Variants in PUDP observed in about 807,000 individuals in gnomAD.
PUDP encodes pseudouridine 5'-phosphatase.
In PUDP, 8 loss-of-function variants were observed where a neutral mutation model predicts 9.4. The observed-to-expected ratio is 0.85, with a 90% confidence interval of 0.50 to 1.53. The LOEUF (loss-of-function observed/expected upper bound fraction) is 1.53, where lower values mean the gene tolerates loss of function less well. Among genes scored for constraint, PUDP ranks in the 40% most tolerant of loss-of-function variants. PUDP has a pLI of 0.00. For synonymous variants in PUDP, 99 were observed against 80.7 expected (o/e 1.23, Z -1.22); for missense variants, 188 against 189.7 (o/e 0.99, Z 0.05).
chrX:6,887,883 C>A (rs747122179), intron 3 of PUDP, among the ~76,000 whole-genome samples: 1 of 111,089 alleles, frequency 9.0e-6, no homozygotes, highest in Admixed American at 9.6e-5. Flanking sequence ...TTTTGGGAAA[C>A]AGACCCTGGA....
intron 1 of PUDP, among the ~76,000 whole-genome samples, chrX:6,981,993 A>G (rs1458316242): frequency 9.4e-6 from 1 of 106,543 alleles, no homozygotes; most frequent in East Asian, 3.0e-4. Flanking sequence ...ACACACACAC[A>G]CACCCCCAAG....
chrX:6,728,209 C>A (rs148918593), intron 3 of PUDP, among the ~76,000 whole-genome samples: 3,216 of 110,796 alleles, frequency 0.029, 37 homozygotes, highest in South Asian at 0.055. Context: ...ACAAGAACAA[C>A]ATGGAGGAAA....
chrX:7,014,680 T>G (rs760353022), intron 1 of PUDP, among the ~76,000 whole-genome samples: 28 of 111,817 alleles, frequency 2.5e-4, no homozygotes, highest in African/African-American at 9.1e-4. Flanking sequence ...CAAAGATGAG[T>G]AAGACATTAT....
chrX:6,752,712 G>C (rs1011400449), intron 3 of PUDP, among the ~76,000 whole-genome samples: 3 of 110,927 alleles, frequency 2.7e-5, no homozygotes, highest in African/African-American at 6.5e-5. Flanking sequence ...ATGTTTCCTA[G>C]ATTCTGCCTG....
chrX:6,857,229 C>T (rs1449773367), intron 3 of PUDP, among the ~76,000 whole-genome samples: 1 of 112,838 alleles, frequency 8.9e-6, no homozygotes, highest in African/African-American at 3.2e-5. Context: ...TAAAAGTGTT[C>T]TCCCAAAGGA....
intron 3 of PUDP, among the ~76,000 whole-genome samples, chrX:7,071,775 C>A (rs1602748841): frequency 1.6e-5 from 1 of 61,395 alleles, no homozygotes; most frequent in East Asian, 5.5e-4. Flanking sequence ...AATGTACTCT[C>A]TATTTTTTTT....
chrX:6,867,025 C>T (rs1318484400), intron 3 of PUDP, among the ~76,000 whole-genome samples: 2 of 110,994 alleles, frequency 1.8e-5, no homozygotes, highest in Admixed American at 1.9e-4. Flanking sequence ...CAGAGGAAGG[C>T]TCCATACTCA....
At chrX:7,038,591 A>G (rs1225915623) in intron 1 of PUDP, among the ~76,000 whole-genome samples, 1 of 111,973 alleles carries the variant, frequency 8.9e-6, no homozygotes, top group African/African-American at 3.2e-5. Context: ...TTTAAAAAGA[A>G]CAGGGATTCT....
At position 7,050,067 on chromosome X, in the gene PUDP, T is replaced by C; in HGVS notation, c.*229A>G. 1 of 367,474 alleles carries C rather than the reference T, an allele frequency of 2.7e-6. No homozygotes were observed. 30.3% of individuals were successfully genotyped at this position (367,474 alleles called of 1,213,427 possible). A position where few individuals can be genotyped will look rare whatever the true frequency, so the allele number is the denominator to read the frequency against. Reference sequence around the variant, plus strand: ...GAGATGGTAATTCAAGTTTCATCTTTGTTCTGGGCTTCGTTTCTGTCTCTA... The same window carrying C: ...GAGATGGTAATTCAAGTTTCATCTTCGTTCTGGGCTTCGTTTCTGTCTCTA... On this transcript the variant is annotated 3_prime_UTR_variant, in exon 4 of 4. Transcript: ENST00000381077.
At chrX:6,951,434 A>G (rs1199761641) in intron 3 of PUDP, among the ~76,000 whole-genome samples, 1 of 111,597 alleles carries the variant, frequency 9.0e-6, no homozygotes, top group Non-Finnish European at 1.9e-5. Flanking sequence ...TAGGGATCCT[A>G]TGGCTCTAGT....
intron 3 of PUDP, among the ~76,000 whole-genome samples, chrX:6,759,900 G>GCAGTGTGCAA (rs1555909219): frequency 9.2e-6 from 1 of 109,163 alleles, no homozygotes; most frequent in African/African-American, 3.3e-5. Context: ...GTGCTCGCTA[G>GCAGTGTGCAA]CAGTCTGCAT....
At chrX:6,839,592 T>C (rs780286038) in intron 3 of PUDP, among the ~76,000 whole-genome samples, 23 of 111,883 alleles carry the variant, frequency 2.1e-4, no homozygotes, top group Non-Finnish European at 4.1e-4. Context: ...TAAAATTATT[T>C]ACCATTCAAA....
chrX:7,112,247 T>C (rs1932071910), intron 1 of PUDP, among the ~76,000 whole-genome samples: 1 of 112,044 alleles, frequency 8.9e-6, no homozygotes, highest in African/African-American at 3.2e-5. Context: ...CACTTCCCTA[T>C]AGAAATACTA....
chrX:6,787,708 A>G (rs1377760525), intron 3 of PUDP, among the ~76,000 whole-genome samples: 2 of 112,205 alleles, frequency 1.8e-5, no homozygotes, highest in Admixed American at 1.9e-4. Context: ...AGGATGAGAC[A>G]CTGTGGTCAT....
chrX:6,802,172 C>T (rs1182814588), intron 3 of PUDP, among the ~76,000 whole-genome samples: 1 of 111,577 alleles, frequency 9.0e-6, no homozygotes, highest in Non-Finnish European at 1.9e-5. Context: ...CTGACTTGAG[C>T]CTTAGGGCGA....
chrX:7,131,912 A>C (rs1470610996), intron 1 of PUDP, among the ~76,000 whole-genome samples: 2 of 107,068 alleles, frequency 1.9e-5, no homozygotes, highest in African/African-American at 6.8e-5. Flanking sequence ...TTCCTCCTCC[A>C]CCTCAGTGAC....
At chrX:6,845,373 G>A (rs1351093387) in intron 3 of PUDP, among the ~76,000 whole-genome samples, 1 of 112,223 alleles carries the variant, frequency 8.9e-6, no homozygotes, top group East Asian at 2.8e-4. Context: ...CTGGGGGCAA[G>A]AAGACCAGTT....
intron 1 of PUDP, among the ~76,000 whole-genome samples, chrX:7,119,896 G>A (rs1384865956): frequency 8.9e-6 from 1 of 112,096 alleles, no homozygotes; most frequent in Non-Finnish European, 1.9e-5. Flanking sequence ...AAAATTCTTG[G>A]AGGCTTGGAT....
chrX:7,003,059 T>C (rs1929349393), intron 1 of PUDP, among the ~76,000 whole-genome samples: 1 of 111,907 alleles, frequency 8.9e-6, no homozygotes, highest in Non-Finnish European at 1.9e-5. Flanking sequence ...AGTTTTGAAG[T>C]ATTGGCTATT....
Sources: gnomAD v4.1 joint callset for allele counts (sites outside exome capture counted in the v4.1 genomes callset) on GRCh38, gnomAD v4.1.1 for gene constraint, MANE v1.5 for transcripts, NCBI Gene and HGNC (gene_info 2026-07-23, HGNC 2026-07-21) for gene names.